The following CRACDL variants were observed in gnomAD, a reference collection of about 807,000 sequenced individuals.
The protein encoded by CRACDL is CRACD-like protein.
CRACDL carries 26 observed loss-of-function variants against 70.6 expected under a neutral mutation model. The observed-to-expected ratio is 0.37, with a 90% CI of 0.27 to 0.51. The LOEUF (loss-of-function observed/expected upper bound fraction) is 0.51. Ranked by LOEUF, CRACDL falls within the 20% of genes least tolerant of loss-of-function variation. The probability of loss-of-function intolerance (pLI) is 0.94; values close to 1 mark genes in which losing one functional copy is unlikely to be tolerated. For synonymous variants in CRACDL, 618 were observed against 615.2 expected, an observed-to-expected ratio of 1.00 and a Z score of -0.07; for missense variants, 1,283 against 1,376.9, an observed-to-expected ratio of 0.93 and a Z score of 1.08.
At chr2:98,919,241 A>T (rs566060099) in intron 1 of CRACDL, among the ~76,000 whole-genome samples, 47 of 152,286 alleles carry the variant, frequency 3.1e-4, no homozygotes, top group South Asian at 1.0e-3. Flanking sequence ...CTTTTAGTAT[A>T]GTTTGAACTC....
intron 2 of CRACDL, among the ~76,000 whole-genome samples, chr2:98,843,215 A>C (rs766999515): frequency 1.3e-5 from 2 of 152,128 alleles, no homozygotes; most frequent in Non-Finnish European, 2.9e-5. Context: ...AGCATGATTT[A>C]AAATTTGCTC....
chr2:98,862,151 A>G (rs1706964656), intron 1 of CRACDL, among the ~76,000 whole-genome samples: 1 of 152,230 alleles, frequency 6.6e-6, no homozygotes, highest in Non-Finnish European at 1.5e-5. Context: ...AGGGGAGATT[A>G]GAAAGTCACC....
At chr2:98,826,230 T>A (rs901913293) in intron 6 of CRACDL, among the ~76,000 whole-genome samples, 1 of 152,280 alleles carries the variant, frequency 6.6e-6, no homozygotes, top group East Asian at 1.9e-4. Flanking sequence ...GAGGGGTCTG[T>A]CTTTCCGAGG....
At chr2:98,800,869 C>T (rs1439170538) in intron 7 of CRACDL, among the ~76,000 whole-genome samples, 1 of 152,212 alleles carries the variant, frequency 6.6e-6, no homozygotes, top group Non-Finnish European at 1.5e-5. Context: ...GGCAGAATTC[C>T]ATCCCAAACA....
At chr2:98,897,211 T>C (rs1190582005) in intron 1 of CRACDL, among the ~76,000 whole-genome samples, 3 of 152,228 alleles carry the variant, frequency 2.0e-5, no homozygotes, top group Non-Finnish European at 4.4e-5. Flanking sequence ...TCGTACAGTA[T>C]GTAACATTTT....
At chr2:98,852,454 T>A (rs186281913) in intron 1 of CRACDL, among the ~76,000 whole-genome samples, 202 of 151,532 alleles carry the variant, frequency 1.3e-3, no homozygotes, top group African/African-American at 4.6e-3. Flanking sequence ...TTACAAAACA[T>A]GCAAAGAAAT....
chr2:98,853,812 C>G (rs1706581275), intron 1 of CRACDL, among the ~76,000 whole-genome samples: 1 of 152,168 alleles, frequency 6.6e-6, no homozygotes. Context: ...TAACTCTAAA[C>G]AGACAGTCAC....
intron 9 of CRACDL, 93 bp from the exon 10 acceptor site, chr2:98,794,764 G>T (rs1703728573): frequency 5.8e-6 from 6 of 1,033,262 alleles, no homozygotes; most frequent in Non-Finnish European, 8.6e-6. Flanking sequence ...AGACATCGAG[G>T]TCTTAACTGT....
Position 98,797,444 on chromosome 2 carries a change from G to T in CRACDL, c.2510C>A (p.Thr837Asn). The stretch of plus-strand genomic sequence containing the variant: ...TTCCTGGTTGGGTGGCTGGTCCAAG[G>T]TCCCCCTCCGCTTCTGCCGAGTGAC... Reference protein sequence around the residue: ...ITVTRQKRRGTLDQPPNQEDK... With the variant: ...ITVTRQKRRGNLDQPPNQEDK... The change falls in exon 8 of 10, where the codon ACC becomes AAC. Residue 837 changes from threonine (T) to asparagine (N), a missense_variant. Thr to Asn is a moderately conservative substitution (Grantham distance 65). This residue lies in a region of CRACDL where 921 missense variants were observed against 881.9 expected (regional missense o/e 1.04). Coordinates refer to ENST00000397899, the MANE Select transcript of CRACDL (RefSeq NM_207362.3). 6.2e-7 allele frequency: 1 copy of T among 1,614,218 alleles called. No homozygotes were observed. The highest frequency in any genetic ancestry group is 8.5e-7 in the Non-Finnish European group (1 of 1,180,050).
At chr2:98,802,407 C>T (rs550158117) in intron 7 of CRACDL, among the ~76,000 whole-genome samples, 1 of 152,350 alleles carries the variant, frequency 6.6e-6, no homozygotes, top group African/African-American at 2.4e-5. Flanking sequence ...CTTAAAATAC[C>T]TCCACACAGA....
chr2:98,852,988 AGAG>A, intron 1 of CRACDL, among the ~76,000 whole-genome samples: 1 of 87,680 alleles, frequency 1.1e-5, no homozygotes, highest in African/African-American at 4.5e-5. Context: ...AGAGAGAGAG[AGAG>A]GGAGGAGAGG....
chr2:98,891,405 A>AAAAAAAAAAAAT (rs1707977563), intron 1 of CRACDL, among the ~76,000 whole-genome samples: 2 of 147,966 alleles, frequency 1.4e-5, no homozygotes, highest in African/African-American at 5.0e-5. Flanking sequence ...AAAAAAAAAA[A>AAAAAAAAAAAAT]TCCAAACTTT....
At chr2:98,832,839 G>T (rs202140715) in intron 4 of CRACDL, 23 bp downstream of exon 4, 4 of 1,612,918 alleles carry the variant, frequency 2.5e-6, no homozygotes, top group Non-Finnish European at 3.4e-6. Context: ...CACACCAGGC[G>T]ACATGACCAA....
chr2:98,797,647 T>A lies in CRACDL; in HGVS notation c.2417-110A>T, dbSNP rs371298178. 247 of 995,950 alleles carry A rather than the reference T, an allele frequency of 2.5e-4. 3 individuals carry two copies. The East Asian group carries it at 2.6e-3, about 11-fold the overall frequency. The allele number at this position is 995,950 out of a possible 1,614,324, so 61.7% of individuals were successfully genotyped here. ...ACTGCTTTGGTTCAGGGTTGCAGGG[T>A]GTCTGGGAGAGGATTACTTTCTTTA... On this transcript the variant is annotated intron_variant, in intron 7 of 9. Transcript: ENST00000397899.
chr2:98,891,855 T>C (rs1707989707), intron 1 of CRACDL, among the ~76,000 whole-genome samples: 1 of 152,248 alleles, frequency 6.6e-6, no homozygotes, highest in Non-Finnish European at 1.5e-5. Flanking sequence ...TCTGCGTGAC[T>C]GTATCCATCC....
chr2:98,877,757 TA>T (rs1057406806), intron 1 of CRACDL, among the ~76,000 whole-genome samples: 1 of 151,796 alleles, frequency 6.6e-6, no homozygotes, highest in African/African-American at 2.4e-5. Flanking sequence ...TCAAAAATAA[TA>T]AAAAAATTTA....
chr2:98,826,836 C>A (rs141582519), intron 6 of CRACDL, 139 bp downstream of exon 6: 19,811 of 594,550 alleles, frequency 0.033, 393 homozygotes, highest in Admixed American at 0.051. Flanking sequence ...TCAGCTCCTG[C>A]AGCATGGCTC....
chr2:98,796,657 C>T (rs1385439723), intron 8 of CRACDL, among the ~76,000 whole-genome samples: 1 of 152,228 alleles, frequency 6.6e-6, no homozygotes, highest in Admixed American at 6.5e-5. Flanking sequence ...TGAGGGTCTT[C>T]AAGTCTGGTA....
intron 1 of CRACDL, among the ~76,000 whole-genome samples, chr2:98,877,693 G>A (rs1707521845): frequency 6.6e-6 from 1 of 152,016 alleles, no homozygotes; most frequent in South Asian, 2.1e-4. Context: ...AGGTTGCAGT[G>A]AGCTGAGGTC....
Sources: allele counts gnomAD v4.1 joint callset (sites outside exome capture counted in the v4.1 genomes callset), GRCh38; gene constraint gnomAD v4.1.1; regional missense constraint gnomAD v4.1.1; transcripts MANE v1.5; gene names NCBI Gene and HGNC (gene_info 2026-07-23, HGNC 2026-07-21).